The following POLK variants were observed in gnomAD, a reference collection of about 807,000 sequenced individuals.
POLK encodes the protein DNA polymerase kappa, also known as polymerase (DNA directed) kappa.
Under a neutral mutation model 94.0 loss-of-function variants are expected in POLK, and 76 were observed. The observed-to-expected ratio is 0.81, with a 90% CI of 0.67 to 0.98. The LOEUF (loss-of-function observed/expected upper bound fraction) is 0.98. POLK is among the 50% of genes least tolerant of loss of function. The pLI is 0.00. For missense variants in POLK, 954 were observed against 1,010.1 expected (o/e 0.94, Z 0.75); for synonymous variants, 349 against 325.4 (o/e 1.07, Z -0.78).
intron 1 of POLK, among the ~76,000 whole-genome samples, chr5:75,529,089 A>G (rs945442139): frequency 1.3e-5 from 2 of 152,210 alleles, no homozygotes; most frequent in African/African-American, 2.4e-5. Flanking sequence ...CTTTAAAGGA[A>G]TATCTGAGAC....
chr5:75,569,738 C>T lies in POLK; in HGVS notation c.408+246C>T, dbSNP rs998375863. Reference sequence around the variant, plus strand: ...ACTGGGCCTCACAACAGGAGGTGAGCGTCAGGCAAGCAAACGAAGCTTCGT... The same window carrying T: ...ACTGGGCCTCACAACAGGAGGTGAGTGTCAGGCAAGCAAACGAAGCTTCGT... On this transcript the variant is annotated intron_variant, in intron 4 of 14. Coordinates refer to ENST00000241436, the Ensembl canonical transcript of POLK. 2.6e-5 allele frequency among the ~76,000 whole-genome samples: 4 copies of T among 152,084 alleles called. 1 individual carries two copies. Among genetic ancestry groups the T allele is most frequent in the African/African-American group, 9.7e-5 (4 of 41,414 alleles).
At chr5:75,567,216 T>C (rs3756558) in intron 3 of POLK, among the ~76,000 whole-genome samples, 20,021 of 152,236 alleles carry the variant, frequency 0.13, 1,555 homozygotes, top group East Asian at 0.21. Context: ...TATTATCTTT[T>C]TCTTTTCTAG....
At chr5:75,588,301 T>C (rs1178341178) in intron 10 of POLK, among the ~76,000 whole-genome samples, 1 of 152,162 alleles carries the variant, frequency 6.6e-6, no homozygotes, top group Non-Finnish European at 1.5e-5. Context: ...TTGCAATTTA[T>C]ATCACAAACT....
chr5:75,515,265 T>C (rs903210426), intron 1 of POLK, among the ~76,000 whole-genome samples: 2 of 152,210 alleles, frequency 1.3e-5, no homozygotes, highest in African/African-American at 4.8e-5. Context: ...ATTTTATGAA[T>C]AGTCCTGAGA....
chr5:75,562,405 T>C (rs1197576442), intron 3 of POLK, among the ~76,000 whole-genome samples: 1 of 152,210 alleles, frequency 6.6e-6, no homozygotes. Flanking sequence ...TAAGGAGTTT[T>C]TGGGCTGAGA....
At chr5:75,530,936 G>C (rs1332086341) in intron 1 of POLK, among the ~76,000 whole-genome samples, 1 of 151,402 alleles carries the variant, frequency 6.6e-6, no homozygotes, top group Non-Finnish European at 1.5e-5. Flanking sequence ...CTTGCGAGTA[G>C]CTGGGACTAC....
chr5:75,571,786 T>G (rs564270611), intron 4 of POLK, among the ~76,000 whole-genome samples: 1 of 152,290 alleles, frequency 6.6e-6, no homozygotes, highest in East Asian at 1.9e-4. Context: ...TTGATAAGAG[T>G]AACTTGTAAA....
intron 6 of POLK, chr5:75,580,494 T>C: frequency 3.8e-6 from 1 of 264,570 alleles, no homozygotes; most frequent in Non-Finnish European, 5.9e-6. Flanking sequence ...TACTTTGTAA[T>C]AATAGTTTAT....
At chr5:75,579,355 C>T (rs1169584519) in intron 6 of POLK, among the ~76,000 whole-genome samples, 1 of 151,712 alleles carries the variant, frequency 6.6e-6, no homozygotes, top group East Asian at 1.9e-4. Flanking sequence ...GTTTCACAGT[C>T]TTTATTTTTT....
intron 1 of POLK, among the ~76,000 whole-genome samples, chr5:75,534,421 A>T (rs188491523): frequency 1.8e-4 from 27 of 152,052 alleles, no homozygotes; most frequent in Admixed American, 4.6e-4. Context: ...AGGGATGATG[A>T]GTTTGGTTCT....
intron 9 of POLK, among the ~76,000 whole-genome samples, chr5:75,585,917 G>T (rs2112842338): frequency 6.6e-6 from 1 of 152,294 alleles, no homozygotes; most frequent in Non-Finnish European, 1.5e-5. Flanking sequence ...TGCAAGGCTT[G>T]TTGTGTTGCT....
exon 1 of POLK, chr5:75,511,763 G>A (rs1048440912): frequency 5.8e-6 from 9 of 1,551,072 alleles, no homozygotes; most frequent in African/African-American, 1.4e-5. Flanking sequence ...CCCTACCTCC[G>A]GCTCTCCCGG....
intron 1 of POLK, among the ~76,000 whole-genome samples, chr5:75,515,099 C>G (rs189883153): frequency 1.3e-5 from 2 of 152,106 alleles, no homozygotes; most frequent in African/African-American, 2.4e-5. Flanking sequence ...GTTCCAATTA[C>G]GCATAAATAA....
chr5:75,584,222 A>G (rs1356213762), intron 8 of POLK, among the ~76,000 whole-genome samples: 5 of 152,202 alleles, frequency 3.3e-5, no homozygotes, highest in African/African-American at 7.2e-5. Flanking sequence ...TGGAATAAAA[A>G]GTTTCACTTA....
chr5:75,593,842 C>A, intron 11 of POLK, 36 bp from the exon 12 acceptor site: 1 of 1,291,008 alleles, frequency 7.7e-7, no homozygotes, highest in Non-Finnish European at 1.1e-6. Flanking sequence ...GACCCTGTCT[C>A]ATAAATAAAT....
intron 1 of POLK, among the ~76,000 whole-genome samples, chr5:75,527,332 T>C (rs902476007): frequency 1.3e-5 from 2 of 151,854 alleles, no homozygotes; most frequent in Non-Finnish European, 2.9e-5. Context: ...CTGGGCAACA[T>C]AGACCCTGTC....
intron 1 of POLK, among the ~76,000 whole-genome samples, chr5:75,517,583 A>T (rs973715537): frequency 6.6e-6 from 1 of 152,228 alleles, no homozygotes; most frequent in African/African-American, 2.4e-5. Flanking sequence ...TATGTTGCCT[A>T]CAAAGATAAC....
chr5:75,515,883 C>G (rs573203042), intron 1 of POLK, among the ~76,000 whole-genome samples: 2 of 152,152 alleles, frequency 1.3e-5, no homozygotes, highest in South Asian at 4.2e-4. Context: ...GTAGTGAGAC[C>G]TCGTCTCTAG....
intron 2 of POLK, 112 bp downstream of exon 2, chr5:75,547,269 T>A (rs1770075768): frequency 2.8e-6 from 1 of 362,384 alleles, no homozygotes; most frequent in Admixed American, 5.0e-5. Flanking sequence ...TTTTAATATA[T>A]ATTATTTTTA....
Sources: allele counts gnomAD v4.1 joint callset (sites outside exome capture counted in the v4.1 genomes callset), GRCh38; gene constraint gnomAD v4.1.1; transcripts MANE v1.5; gene names NCBI Gene and HGNC (gene_info 2026-07-23, HGNC 2026-07-21).